Variants in ZFP64 observed in about 807,000 individuals in gnomAD.
ZFP64 encodes the protein ZFP64 zinc finger protein, also known as zinc finger protein 64.
Under a neutral mutation model 51.6 loss-of-function variants are expected in ZFP64, and 14 were observed. That is an observed-to-expected ratio of 0.27 (90% CI 0.18 to 0.42). The LOEUF (loss-of-function observed/expected upper bound fraction) is 0.42, where lower values mean the gene tolerates loss of function less well. Ranked by LOEUF, ZFP64 falls within the 10% of genes least tolerant of loss-of-function variation. ZFP64 has a pLI of 1.00. For synonymous variants in ZFP64, 375 were observed against 361.4 expected (o/e 1.04, Z -0.43); for missense variants, 754 against 906.8 (o/e 0.83, Z 2.16).
chr20:52,164,596 G>T, intron 4 of ZFP64, 99 bp downstream of exon 4: 1 of 990,004 alleles, frequency 1.0e-6, no homozygotes, highest in South Asian at 1.4e-5. Context: ...AACAGCCAGT[G>T]ACGTTTGGAG....
chr20:52,101,932 A>G (rs2079055103), intron 5 of ZFP64, among the ~76,000 whole-genome samples: 1 of 134,376 alleles, frequency 7.4e-6, no homozygotes, highest in East Asian at 2.2e-4. Flanking sequence ...TGTCTCTACT[A>G]AAAATACCAA....
At chr20:52,123,958 C>T (rs1298064461) in intron 5 of ZFP64, among the ~76,000 whole-genome samples, 1 of 152,002 alleles carries the variant, frequency 6.6e-6, no homozygotes, top group Admixed American at 6.6e-5. Flanking sequence ...CAAGCTCCAC[C>T]TCCTGGGTTC....
intron 5 of ZFP64, among the ~76,000 whole-genome samples, chr20:52,159,148 C>G: frequency 6.6e-6 from 1 of 152,206 alleles, no homozygotes; most frequent in East Asian, 1.9e-4. Context: ...CAACTTCCTG[C>G]TGACCTAAAG....
chr20:52,097,342 T>C (rs1321898084), intron 7 of ZFP64: 2 of 1,602,182 alleles, frequency 1.2e-6, no homozygotes, highest in South Asian at 1.1e-5. Flanking sequence ...CCATCTTTCT[T>C]ACTGAGCTGT....
rs1172726616 is a variant in ZFP64, at chr20:52,153,101, A to G, written c.1091T>C (p.Ile364Thr). ...CTTGAAAGGGCGGTCGGTGCAGTGG[A>G]TACGCTCGTGGATGCGCAGGGCGGC... ...SKAALRIHER[I>T]HCTDRPFKCN... is the part of the protein sequence containing the mutation. Residue 364 changes from isoleucine to threonine, a missense_variant, in exon 6 of 6, where the codon ATC (isoleucine) becomes ACC (threonine). Ile to Thr is a moderately conservative substitution (Grantham distance 89). Around this residue, in one of 3 missense-constraint regions of ZFP64, gnomAD observed 428 missense variants for 472.4 expected, o/e 0.91. Coordinates refer to ENST00000216923, the MANE Select transcript of ZFP64 (RefSeq NM_018197.3). This position sits in a 1 kb window ranked among gnomAD's most constrained non-coding sequence, Gnocchi z 5.1. The G allele has an allele frequency of 3.7e-6, 6 of 1,614,166 alleles. 1 individual carries two copies. The highest frequency in any genetic ancestry group is 3.3e-5 in the South Asian group (3 of 91,084).
intron 6 of ZFP64, among the ~76,000 whole-genome samples, chr20:52,097,777 A>C (rs2079006158): frequency 6.6e-6 from 1 of 152,132 alleles, no homozygotes; most frequent in Non-Finnish European, 1.5e-5. Context: ...TACAATTCTT[A>C]GAAGAACCTC....
intron 5 of ZFP64, among the ~76,000 whole-genome samples, chr20:52,112,098 AAAC>A (rs1259746505): frequency 1.1e-4 from 15 of 138,478 alleles, no homozygotes; most frequent in Admixed American, 3.1e-4. Context: ...AAAAAAAAAA[AAAC>A]AAAAAAAAAA....
At chr20:52,089,574 T>C (rs6013388) in intron 7 of ZFP64, among the ~76,000 whole-genome samples, 77,043 of 151,510 alleles carry the variant, frequency 0.51, 19,907 homozygotes, top group African/African-American at 0.59. Flanking sequence ...AACCCTGTCT[T>C]TACACAAAAA....
chr20:52,120,142 A>T (rs547737903), intron 5 of ZFP64, among the ~76,000 whole-genome samples: 1 of 152,244 alleles, frequency 6.6e-6, no homozygotes, highest in African/African-American at 2.4e-5. Flanking sequence ...AGAAGGTGCC[A>T]TTTATGAGAA....
intron 5 of ZFP64, among the ~76,000 whole-genome samples, chr20:52,126,905 A>C (rs889118972): frequency 7.8e-5 from 11 of 140,988 alleles, no homozygotes; most frequent in Non-Finnish European, 1.6e-4. Flanking sequence ...CCGTCAGTGG[A>C]AAGAATTTTT....
intron 5 of ZFP64, among the ~76,000 whole-genome samples, chr20:52,123,827 C>T (rs1322170592): frequency 6.9e-6 from 1 of 145,764 alleles, no homozygotes; most frequent in Non-Finnish European, 1.5e-5. Flanking sequence ...GGTGGTATGT[C>T]TGTTACAGAG....
At chr20:52,103,834 A>G (rs1343944112) in intron 5 of ZFP64, among the ~76,000 whole-genome samples, 2 of 152,088 alleles carry the variant, frequency 1.3e-5, no homozygotes, top group African/African-American at 4.8e-5. Context: ...TGGTAGCTCC[A>G]CTCGAGCAAG....
chr20:52,111,337 C>G (rs1241240400), intron 5 of ZFP64, among the ~76,000 whole-genome samples: 1 of 151,740 alleles, frequency 6.6e-6, no homozygotes, highest in Non-Finnish European at 1.5e-5. Context: ...CTGCCTCAGC[C>G]TCCCAAGTAG....
chr20:52,119,528 A>AT (rs1568663575), intron 5 of ZFP64, among the ~76,000 whole-genome samples: 155 of 83,142 alleles, frequency 1.9e-3, no homozygotes, highest in African/African-American at 8.3e-3. Flanking sequence ...TCTAAAAAAA[A>AT]AAAAAATATA....
At chr20:52,104,928 G>T (rs1282880800) in intron 5 of ZFP64, 1 of 672,008 alleles carries the variant, frequency 1.5e-6, no homozygotes, top group South Asian at 1.8e-5. Flanking sequence ...GAATCCAGGC[G>T]GGGAAGGGGA....
intron 8 of ZFP64, chr20:52,088,231 C>G (rs757646006): frequency 6.6e-6 from 8 of 1,209,470 alleles, no homozygotes; most frequent in Non-Finnish European, 9.1e-6. Context: ...GTTGTTGTTC[C>G]GGCAACAGAA....
intron 5 of ZFP64, among the ~76,000 whole-genome samples, chr20:52,140,980 A>C (rs1376001260): frequency 6.6e-6 from 1 of 152,180 alleles, no homozygotes; most frequent in East Asian, 1.9e-4. Context: ...AATGAGGCTA[A>C]ATCTACTGTC....
At position 52,115,783 on chromosome 20, in the gene ZFP64, T is replaced by TTC. The variant is rs74996752; in HGVS notation, c.764-17198_764-17197dup. 3.0e-3 allele frequency among the ~76,000 whole-genome samples: 427 copies of TTC among 143,426 alleles called. 3 individuals are homozygous for TTC. Among genetic ancestry groups the TTC allele is most frequent in the African/African-American group, 8.5e-3 (338 of 39,964 alleles). The allele number at this position is 143,426 out of a possible 152,430, so 94.1% of individuals were successfully genotyped here. A position where few individuals can be genotyped will look rare whatever the true frequency, so the allele number is the denominator to read the frequency against. ...GGAAGGAAGATTGGAGAACCTAAAT[T>TTC]TCTCTCTCTCTCTCTCTCTCTGTGT... On this transcript the variant is annotated intron_variant, in intron 5 of 8. Coordinates refer to the ZFP64 transcript ENST00000361387.
At chr20:52,169,259 C>T (rs979774658) in intron 2 of ZFP64, among the ~76,000 whole-genome samples, 10 of 152,192 alleles carry the variant, frequency 6.6e-5, no homozygotes, top group African/African-American at 2.4e-4. Context: ...GACTCTGGCA[C>T]TTGTGCATCA....
Sources: allele counts gnomAD v4.1 joint callset (sites outside exome capture counted in the v4.1 genomes callset), GRCh38; gene constraint gnomAD v4.1.1; regional missense constraint gnomAD v4.1.1; non-coding constraint Gnocchi (gnomAD v3.1); transcripts MANE v1.5; gene names NCBI Gene and HGNC (gene_info 2026-07-23, HGNC 2026-07-21).